NEK1: variants seen among roughly 807,000 people sequenced by gnomAD.
The protein encoded by NEK1 is serine/threonine-protein kinase Nek1.
Under a neutral mutation model 182.1 loss-of-function variants are expected in NEK1, and 137 were observed. The ratio of observed to expected loss-of-function variants is 0.75; its 90% CI spans 0.65 to 0.87. NEK1 has a LOEUF of 0.87. Ranked by LOEUF, NEK1 falls within the 40% of genes least tolerant of loss-of-function variation. The pLI, the probability that NEK1 is intolerant of heterozygous loss-of-function variation, is 0.00. For missense variants in NEK1, 1,391 were observed against 1,494.4 expected (o/e 0.93, Z 1.14); for synonymous variants, 513 against 492.2 (o/e 1.04, Z -0.56).
At position 169,394,526 on chromosome 4, in the gene NEK1, G is replaced by A. The variant is rs776932483; in HGVS notation, c.3848-3C>T. The stretch of plus-strand genomic sequence containing the variant: ...TTTTGAGGATTATTCATCATTATCT[G>A]TAGAAAAAAGAAAAAAATTGACTTC... On this transcript the variant is annotated splice_region_variant and splice_polypyrimidine_tract_variant and intron_variant, in intron 35 of 35. Transcript: ENST00000507142. 4 of 1,389,574 alleles carry A rather than the reference G, an allele frequency of 2.9e-6. No homozygotes were observed. The highest frequency in any genetic ancestry group is 4.6e-5 in the Admixed American group (2 of 43,626). 86.1% of individuals were successfully genotyped at this position (1,389,574 alleles called of 1,614,324 possible).
chr4:169,460,387 T>A (rs1743742647), intron 27 of NEK1, among the ~76,000 whole-genome samples: 2 of 151,400 alleles, frequency 1.3e-5, no homozygotes, highest in Admixed American at 1.3e-4. Context: ...TTAAAAACCA[T>A]CAGATCTCGT....
intron 5 of NEK1, among the ~76,000 whole-genome samples, chr4:169,597,839 C>G (rs985720415): frequency 7.2e-5 from 11 of 151,968 alleles, no homozygotes; most frequent in Admixed American, 2.6e-4. Context: ...GAGGCTGAGG[C>G]AGGAGAATGG....
chr4:169,511,638 T>C (rs1580355129), intron 19 of NEK1, among the ~76,000 whole-genome samples: 3 of 152,234 alleles, frequency 2.0e-5, no homozygotes, highest in Non-Finnish European at 2.9e-5. Context: ...GAAACTGACA[T>C]TGATTCAAAT....
intron 27 of NEK1, among the ~76,000 whole-genome samples, chr4:169,440,302 T>A (rs1739196509): frequency 6.6e-6 from 1 of 151,690 alleles, no homozygotes; most frequent in African/African-American, 2.4e-5. Flanking sequence ...AAAGGAAAAA[T>A]AAAACCAATG....
chr4:169,560,854 G>C (rs1342474475), intron 16 of NEK1, among the ~76,000 whole-genome samples: 1 of 151,852 alleles, frequency 6.6e-6, no homozygotes, highest in African/African-American at 2.4e-5. Flanking sequence ...GGTTAAATAG[G>C]GTGGATCTAC....
intron 27 of NEK1, among the ~76,000 whole-genome samples, chr4:169,448,104 G>GCTA (rs1740935098): frequency 6.6e-6 from 1 of 151,974 alleles, no homozygotes. Context: ...AGTGGGACAT[G>GCTA]CTTGTAGTCC....
In NEK1 at chr4:169,444,270, C is replaced by T. The variant is rs184294094; in HGVS notation, c.2588-6011G>A. ...AAAATGACTAGAGTTAAGTCCTCACCTATCAATAATAACCTCTAATATAAA... is the reference window on the plus strand; with the variant it reads ...AAAATGACTAGAGTTAAGTCCTCACTTATCAATAATAACCTCTAATATAAA... On this transcript the variant is annotated intron_variant, in intron 27 of 35. Transcript: ENST00000507142. 2.6e-5 allele frequency among the ~76,000 whole-genome samples: 4 copies of T among 152,136 alleles called. No homozygotes were observed. The East Asian group carries it at 5.8e-4, about 22-fold the overall frequency.
At chr4:169,505,954 G>A (rs2149686093) in intron 23 of NEK1, among the ~76,000 whole-genome samples, 1 of 152,002 alleles carries the variant, frequency 6.6e-6, no homozygotes, top group South Asian at 2.1e-4. Flanking sequence ...ATTTGTGTAA[G>A]AGATATAAAA....
chr4:169,425,422 T>G (rs1736215011), intron 30 of NEK1, among the ~76,000 whole-genome samples: 1 of 137,914 alleles, frequency 7.3e-6, no homozygotes, highest in Admixed American at 7.3e-5. Flanking sequence ...ACCCTGTCTC[T>G]CAAGAAAAAC....
At chr4:169,442,851 C>T (rs746662929) in intron 27 of NEK1, among the ~76,000 whole-genome samples, 23 of 150,100 alleles carry the variant, frequency 1.5e-4, no homozygotes, top group Non-Finnish European at 2.5e-4. Context: ...CTGGGCAACA[C>T]AGTGAGATAC....
At chr4:169,426,848 T>C (rs1303630487) in intron 29 of NEK1, among the ~76,000 whole-genome samples, 2 of 151,996 alleles carry the variant, frequency 1.3e-5, no homozygotes, top group Non-Finnish European at 2.9e-5. Context: ...TTTGAAAAAA[T>C]GGTTTGTAGC....
At chr4:169,450,095 T>TGAATGAAATAAAGC (rs1443981072) in intron 27 of NEK1, among the ~76,000 whole-genome samples, 1 of 152,100 alleles carries the variant, frequency 6.6e-6, no homozygotes, top group Non-Finnish European at 1.5e-5. Context: ...GAAGATCAAA[T>TGAATGAAATAAAGC]GAATGAAATA....
Position 169,561,737 on chromosome 4 carries a change from T to A in NEK1, c.1141A>T (p.Ile381Phe). 2 of 1,580,186 alleles carry A rather than the reference T, an allele frequency of 1.3e-6. No homozygotes were observed. Among genetic ancestry groups the A allele is most frequent in the East Asian group, 2.3e-5 (1 of 43,704 alleles). Residue 381 changes from isoleucine (I) to phenylalanine (F), a missense_variant and splice_region_variant, in exon 15 of 36, where the codon ATT becomes TTT. Ile to Phe is a conservative substitution (Grantham distance 21). This residue lies in a region of NEK1 where 1,216 missense variants were observed against 1,277.6 expected (regional missense o/e 0.95). Transcript: ENST00000507142. ...IEKEKKQKDQ[I>F]ISLMKAEQMK... is the part of the protein sequence containing the mutation. ...TGTTCAGCCTTCATTAAACTAATAA[T>A]CTGTAACAATTTTAAAGACAAGCTT... is the stretch of plus-strand genomic sequence containing the variant.
intron 23 of NEK1, among the ~76,000 whole-genome samples, chr4:169,488,779 T>C (rs1374714435): frequency 1.3e-5 from 2 of 152,186 alleles, no homozygotes; most frequent in Non-Finnish European, 2.9e-5. Flanking sequence ...AAGATAGATA[T>C]ATGAACACTA....
In NEK1 at chr4:169,555,745, C is replaced by A. The variant is rs1762070585; in HGVS notation, c.1537G>T (p.Val513Leu). ...IRKTLKRLKAVSKQANANRQK... is the reference protein window; with the variant it reads ...IRKTLKRLKALSKQANANRQK... Reference sequence around the variant, plus strand: ...CTGTTTGCATTGGCTTGTTTAGACACCGCCTTCAATCTTTTCAAAGTTTTT... The same window carrying A: ...CTGTTTGCATTGGCTTGTTTAGACAACGCCTTCAATCTTTTCAAAGTTTTT... Residue 513 changes from valine to leucine, a missense_variant, in exon 18 of 36, where the codon GTG becomes TTG. This residue lies in a region of NEK1 where 1,216 missense variants were observed against 1,277.6 expected (regional missense o/e 0.95). Transcript: ENST00000507142. The A allele has an allele frequency of 6.2e-7, 1 of 1,613,680 alleles. No individual in the cohort carries two copies. The highest frequency in any genetic ancestry group is 8.5e-7 in the Non-Finnish European group (1 of 1,179,774).
chr4:169,514,412 A>C (rs1754757169), intron 19 of NEK1, among the ~76,000 whole-genome samples: 1 of 152,200 alleles, frequency 6.6e-6, no homozygotes, highest in African/African-American at 2.4e-5. Context: ...CTCCACTACT[A>C]CTTCTGGGAA....
chr4:169,432,285 C>T lies in NEK1; in HGVS notation c.2885+1260G>A, dbSNP rs537177765. 2.0e-5 allele frequency among the ~76,000 whole-genome samples: 3 copies of T among 152,262 alleles called. No individual in the cohort carries two copies. The East Asian group carries it at 5.8e-4, about 29-fold the overall frequency. On this transcript the variant is annotated intron_variant, in intron 29 of 35. Transcript: ENST00000507142. The stretch of plus-strand genomic sequence containing the variant: ...GGCTGTGGAGAAAATGGGGTTCAGA[C>T]ATTCTTTCTGAAAGTGTAAACCAGT...
chr4:169,504,842 T>C (rs943090486), intron 23 of NEK1, among the ~76,000 whole-genome samples: 8 of 152,276 alleles, frequency 5.3e-5, no homozygotes, highest in Admixed American at 4.6e-4. Context: ...AACAATAATT[T>C]ATTGTACCTT....
intron 18 of NEK1, among the ~76,000 whole-genome samples, chr4:169,544,428 C>CT (rs1490944272): frequency 5.9e-5 from 9 of 151,870 alleles, no homozygotes; most frequent in African/African-American, 1.2e-4. Flanking sequence ...CTAAAATTCT[C>CT]TTTTTTTGCT....
Sources: allele counts gnomAD v4.1 joint callset (sites outside exome capture counted in the v4.1 genomes callset), GRCh38; gene constraint gnomAD v4.1.1; regional missense constraint gnomAD v4.1.1; transcripts MANE v1.5; gene names NCBI Gene and HGNC (gene_info 2026-07-23, HGNC 2026-07-21).